The following STRBP variants were observed in gnomAD, a reference collection of about 807,000 sequenced individuals.
The protein encoded by STRBP is spermatid perinuclear RNA binding protein.
In STRBP, 13 loss-of-function variants were observed where a neutral mutation model predicts 80.1. The observed-to-expected ratio is 0.16, with a 90% CI of 0.11 to 0.26. The LOEUF (loss-of-function observed/expected upper bound fraction) is 0.26. STRBP is among the 10% of genes least tolerant of loss of function. STRBP has a pLI of 1.00. For missense variants in STRBP, 485 were observed against 815.2 expected (o/e 0.59, Z 4.93); for synonymous variants, 284 against 291.2 (o/e 0.98, Z 0.25).
At position 123,136,468 on chromosome 9, in the gene STRBP, T is replaced by C; in HGVS notation, c.1545A>G (p.Val515=). 1 of 1,614,152 alleles carries C rather than the reference T, an allele frequency of 6.2e-7. No homozygotes were observed. The highest frequency in any genetic ancestry group is 8.5e-7 in the Non-Finnish European group (1 of 1,180,012). The change falls in exon 15 of 19, where the codon GTA becomes GTG. Residue 515 remains valine (V), a synonymous_variant. Coordinates refer to ENST00000348403, the MANE Select transcript of STRBP (RefSeq NM_018387.5). This position sits in a 1 kb window ranked among gnomAD's most constrained non-coding sequence, Gnocchi z 4.2. The stretch of plus-strand genomic sequence containing the variant: ...CTCTTCTTTTTTCATTGAGCTCCAT[T>C]ACAGGGTTTTTGCCACTTGCTGTGA... ...PILTASGKNP[V]MELNEKRRGL...
At chr9:123,261,295 G>A (rs1033518071) in intron 1 of STRBP, among the ~76,000 whole-genome samples, 3 of 152,182 alleles carry the variant, frequency 2.0e-5, no homozygotes, top group African/African-American at 7.2e-5. Flanking sequence ...TTGATTAAAA[G>A]AGGCAGATTT....
At chr9:123,267,220 CT>C (rs1338198345) in intron 1 of STRBP, among the ~76,000 whole-genome samples, 4 of 151,620 alleles carry the variant, frequency 2.6e-5, no homozygotes, top group African/African-American at 9.7e-5. Flanking sequence ...CCAAGAACCC[CT>C]CACCCTCCGT....
chr9:123,220,516 C>T (rs930171991), intron 2 of STRBP, among the ~76,000 whole-genome samples: 18 of 152,274 alleles, frequency 1.2e-4, no homozygotes, highest in Non-Finnish European at 2.2e-4. Flanking sequence ...CTTCATTGTG[C>T]GGTGAATGAC....
intron 17 of STRBP, among the ~76,000 whole-genome samples, chr9:123,131,685 CGTT>C (rs1392191552): frequency 1.3e-5 from 2 of 152,186 alleles, no homozygotes; most frequent in African/African-American, 2.4e-5. Flanking sequence ...CTCAGTTTCT[CGTT>C]GTTATTACTT....
chr9:123,170,927 T>C (rs750739660), intron 5 of STRBP, among the ~76,000 whole-genome samples: 1 of 152,112 alleles, frequency 6.6e-6, no homozygotes, highest in Non-Finnish European at 1.5e-5. Context: ...CTCATCAGTG[T>C]GTATTAAAAG....
In STRBP at chr9:123,268,544, C is replaced by A. The variant is rs979412137; in HGVS notation, c.-410G>T. 5.9e-6 allele frequency: 1 copy of A among 169,534 alleles called. No individual in the cohort carries two copies. Among genetic ancestry groups the A allele is most frequent in the African/African-American group, 2.4e-5 (1 of 41,432 alleles). 10.5% of individuals were successfully genotyped at this position (169,534 alleles called of 1,614,324 possible). On this transcript the variant is annotated 5_prime_UTR_variant, in exon 1 of 19. Coordinates refer to ENST00000348403, the MANE Select transcript of STRBP (RefSeq NM_018387.5). Reference sequence around the variant, plus strand: ...CTCTGCCCAGCGGCGGCGGCTGCGGCGGCTGCTGCCCTGGTGGCGCTCGCG... The same window carrying A: ...CTCTGCCCAGCGGCGGCGGCTGCGGAGGCTGCTGCCCTGGTGGCGCTCGCG...
chr9:123,115,690 A>T lies in STRBP; in HGVS notation c.*84+239T>A, dbSNP rs1253755245. The T allele has an allele frequency of 3.0e-6, 1 of 335,856 alleles. No homozygotes were observed. The highest frequency in any genetic ancestry group is 5.8e-6 in the Non-Finnish European group (1 of 170,960). The allele number at this position is 335,856 out of a possible 1,614,324, so 20.8% of individuals were successfully genotyped here. A position where few individuals can be genotyped will look rare whatever the true frequency, so the allele number is the denominator to read the frequency against. The stretch of plus-strand genomic sequence containing the variant: ...GGTCTTGGCAGCATCACCAGTCAAC[A>T]TCAGAGTTCGTCCAAACTGACATTC... On this transcript the variant is annotated intron_variant and NMD_transcript_variant, in intron 3 of 3. Transcript: ENST00000471564. This position sits in a 1 kb window ranked among gnomAD's most constrained non-coding sequence, Gnocchi z 5.0.
At chr9:123,201,895 A>G (rs1033761311) in intron 2 of STRBP, among the ~76,000 whole-genome samples, 3 of 152,186 alleles carry the variant, frequency 2.0e-5, no homozygotes, top group African/African-American at 7.2e-5. Context: ...TCTTAGGTCT[A>G]GCAGTAATCG....
At chr9:123,181,311 G>T (rs1201904576) in intron 3 of STRBP, among the ~76,000 whole-genome samples, 1 of 152,190 alleles carries the variant, frequency 6.6e-6, no homozygotes, top group Admixed American at 6.5e-5. Context: ...GGAAATGCTA[G>T]GCTGTTAGCT....
Position 123,122,475 on chromosome 9 carries a change from C to A in STRBP, c.*3122G>T. On this transcript the variant is annotated 3_prime_UTR_variant, in exon 19 of 19. Transcript: ENST00000348403. The stretch of plus-strand genomic sequence containing the variant: ...AAAAAAAAGAAAAGGCCAATACCAG[C>A]AAAATCTCTCAGTGGTTTGTTCCCC... 1.7e-6 allele frequency: 2 copies of A among 1,194,778 alleles called. No individual in the cohort carries two copies. The highest frequency in any genetic ancestry group is 1.1e-6 in the Non-Finnish European group (1 of 950,684). 74.0% of individuals were successfully genotyped at this position (1,194,778 alleles called of 1,614,324 possible). A position where few individuals can be genotyped will look rare whatever the true frequency, so the allele number is the denominator to read the frequency against.
At position 123,126,545 on chromosome 9, in the gene STRBP, G is replaced by A. The variant is rs1456924534; in HGVS notation, c.1943-872C>T. Among the ~76,000 whole-genome samples, 1 of 151,950 alleles carries A rather than the reference G, an allele frequency of 6.6e-6. No individual in the cohort carries two copies. The highest frequency in any genetic ancestry group is 1.5e-5 in the Non-Finnish European group (1 of 67,992). On this transcript the variant is annotated intron_variant, in intron 18 of 18. Transcript: ENST00000348403. The surrounding 1 kb of genome is among the most constrained non-coding windows in gnomAD (Gnocchi z 4.4). ...TGATGTGGGGGCTCAGAGGGCACAG[G>A]GTGAAAGTATAATGTTAAAGGAGGA...
At chr9:123,240,413 G>C (rs77505823) in intron 1 of STRBP, among the ~76,000 whole-genome samples, 3,410 of 152,250 alleles carry the variant, frequency 0.022, 67 homozygotes, top group Non-Finnish European at 0.036. Context: ...CAAAAAGAGA[G>C]AGAAACACAG....
intron 6 of STRBP, among the ~76,000 whole-genome samples, chr9:123,163,611 T>C (rs1049347836): frequency 3.9e-5 from 6 of 152,222 alleles, no homozygotes; most frequent in Non-Finnish European, 5.9e-5. Flanking sequence ...ATTTTATCTT[T>C]TTCAAAGTTC....
At position 123,122,806 on chromosome 9, in the gene STRBP, G is replaced by A; in HGVS notation, c.*2791C>T. ...TGTAACTATTTATGTGCTAAAAAGT[G>A]TAAAAAACTGTCAGAACATAGCACA... On this transcript the variant is annotated 3_prime_UTR_variant, in exon 19 of 19. Transcript: ENST00000348403. 1.6e-5 allele frequency: 16 copies of A among 988,776 alleles called. No homozygotes were observed. The highest frequency in any genetic ancestry group is 1.9e-5 in the Non-Finnish European group (16 of 832,216). 61.3% of individuals were successfully genotyped at this position (988,776 alleles called of 1,614,324 possible).
intron 18 of STRBP, 151 bp downstream of exon 18, chr9:123,128,063 T>G: frequency 1.1e-6 from 1 of 924,628 alleles, no homozygotes; most frequent in Middle Eastern, 2.2e-4. Flanking sequence ...ACCACAAGGT[T>G]GTGGCATTTT....
intron 2 of STRBP, among the ~76,000 whole-genome samples, chr9:123,192,178 G>C (rs1360340611): frequency 2.6e-5 from 4 of 152,170 alleles, no homozygotes; most frequent in Non-Finnish European, 5.9e-5. Context: ...TTATTTATTA[G>C]ACATCTAAGA....
chr9:123,131,545 C>T (rs989129189), intron 17 of STRBP, among the ~76,000 whole-genome samples: 1 of 152,184 alleles, frequency 6.6e-6, no homozygotes, highest in Non-Finnish European at 1.5e-5. Flanking sequence ...GAGTTAACTC[C>T]TATTCATTCT....
At chr9:123,202,611 G>A (rs1258915586) in intron 2 of STRBP, among the ~76,000 whole-genome samples, 1 of 152,162 alleles carries the variant, frequency 6.6e-6, no homozygotes, top group Non-Finnish European at 1.5e-5. Flanking sequence ...TAGGTTATCT[G>A]ATGCTTTTGT....
chr9:123,115,039 C>T lies in STRBP; in HGVS notation c.*84+890G>A. 2.7e-6 allele frequency: 1 copy of T among 370,960 alleles called. No individual in the cohort carries two copies. Among genetic ancestry groups the T allele is most frequent in the South Asian group, 2.1e-5 (1 of 47,436 alleles). 23.0% of individuals were successfully genotyped at this position (370,960 alleles called of 1,614,324 possible). Reference sequence around the variant, plus strand: ...TGGCTATCCAACTGTCCCAATCGACCCTCTGGAACTCACTATTGTGGACAA... The same window carrying T: ...TGGCTATCCAACTGTCCCAATCGACTCTCTGGAACTCACTATTGTGGACAA... On this transcript the variant is annotated intron_variant and NMD_transcript_variant, in intron 3 of 3. Coordinates refer to the STRBP transcript ENST00000471564. The surrounding 1 kb of genome is among the most constrained non-coding windows in gnomAD (Gnocchi z 5.0).
Sources: allele counts gnomAD v4.1 joint callset (sites outside exome capture counted in the v4.1 genomes callset), GRCh38; gene constraint gnomAD v4.1.1; non-coding constraint Gnocchi (gnomAD v3.1); transcripts MANE v1.5; gene names NCBI Gene and HGNC (gene_info 2026-07-23, HGNC 2026-07-21).